SYNE1: variants seen among roughly 807,000 people sequenced by gnomAD.
The protein encoded by SYNE1 is nesprin-1.
In SYNE1, 616 loss-of-function variants were observed where a neutral mutation model predicts 1,111.0. The ratio of observed to expected loss-of-function variants is 0.55; its 90% confidence interval spans 0.52 to 0.59. The LOEUF is 0.59. SYNE1 is among the 20% of genes least tolerant of loss of function. SYNE1 has a pLI of 0.00. For missense variants in SYNE1, 10,006 were observed against 10,417.0 expected, an observed-to-expected ratio of 0.96 and a Z score of 1.72; for synonymous variants, 3,855 against 3,825.8, an observed-to-expected ratio of 1.01 and a Z score of -0.28.
chr6:152,167,160 C>G (rs1049507540), intron 130 of SYNE1, among the ~76,000 whole-genome samples: 31 of 152,194 alleles, frequency 2.0e-4, no homozygotes, highest in Non-Finnish European at 3.2e-4. Flanking sequence ...ATCACAGGCA[C>G]TTGACCTTTC....
chr6:152,316,676 A>G, intron 87 of SYNE1, 173 bp downstream of exon 87: 1 of 679,988 alleles, frequency 1.5e-6, no homozygotes, highest in Non-Finnish European at 2.5e-6. Flanking sequence ...ATGAAATTTC[A>G]TGAGAAGCTC....
chr6:152,601,721 G>A (rs1039728168), intron 3 of SYNE1, among the ~76,000 whole-genome samples: 3 of 152,236 alleles, frequency 2.0e-5, no homozygotes, highest in East Asian at 3.9e-4. Context: ...GAATCTAACC[G>A]GAGTTGCAGT....
chr6:152,137,097 A>T (rs2057264188), intron 140 of SYNE1, among the ~76,000 whole-genome samples: 1 of 152,216 alleles, frequency 6.6e-6, no homozygotes, highest in Non-Finnish European at 1.5e-5. Flanking sequence ...GCCTCAATAC[A>T]TTCACACACA....
At chr6:152,365,401 G>T (rs545402774) in intron 62 of SYNE1, among the ~76,000 whole-genome samples, 1 of 152,298 alleles carries the variant, frequency 6.6e-6, no homozygotes, top group African/African-American at 2.4e-5. Context: ...CATAGAAATA[G>T]ATTATATATT....
intron 95 of SYNE1, among the ~76,000 whole-genome samples, chr6:152,293,035 G>T (rs1428133350): frequency 6.6e-6 from 1 of 152,150 alleles, no homozygotes; most frequent in Non-Finnish European, 1.5e-5. Flanking sequence ...TTAATGTAAT[G>T]ATCTCTGTTT....
chr6:152,429,256 A>G (rs1342624519), intron 36 of SYNE1, among the ~76,000 whole-genome samples: 1 of 152,118 alleles, frequency 6.6e-6, no homozygotes, highest in Non-Finnish European at 1.5e-5. Flanking sequence ...CAAGACACAG[A>G]AAAACAACTT....
At chr6:152,296,071 T>C (rs1000761341) in intron 93 of SYNE1, among the ~76,000 whole-genome samples, 1 of 152,220 alleles carries the variant, frequency 6.6e-6, no homozygotes, top group Non-Finnish European at 1.5e-5. Context: ...TGGGACTTTC[T>C]CACCCTCGAT....
Position 152,122,797 on chromosome 6 carries a change from C to T in SYNE1, c.26154-121G>A, listed in dbSNP as rs1004191612. The T allele has an allele frequency of 2.7e-5, 40 of 1,484,138 alleles. 1 individual carries two copies. Among genetic ancestry groups the T allele is most frequent in the Middle Eastern group, 2.3e-4 (1 of 4,356 alleles). The allele number at this position is 1,484,138 out of a possible 1,614,324, so 91.9% of individuals were successfully genotyped here. A position where few individuals can be genotyped will look rare whatever the true frequency, so the allele number is the denominator to read the frequency against. ...GCCAAGCACACCCCAGCCTGGCGAT[C>T]AGCTGCCAGCCTTCCACAGTGTGCC... On this transcript the variant is annotated intron_variant, in intron 145 of 145. Coordinates refer to ENST00000367255, the MANE Select transcript of SYNE1 (RefSeq NM_182961.4).
At chr6:152,455,660 T>C (rs780293961) in intron 23 of SYNE1, 70 bp from the exon 24 acceptor site, 2 of 1,591,534 alleles carry the variant, frequency 1.3e-6, no homozygotes, top group South Asian at 1.1e-5. Flanking sequence ...TGTTAGAGGG[T>C]ATTATTCATT....
At chr6:152,608,331 AG>A in intron 3 of SYNE1, among the ~76,000 whole-genome samples, 1 of 152,210 alleles carries the variant, frequency 6.6e-6, no homozygotes, top group Non-Finnish European at 1.5e-5. Context: ...AAGTTGAAAA[AG>A]ATACTGGCTA....
At chr6:152,152,686 G>T (rs1314805817) in intron 133 of SYNE1, among the ~76,000 whole-genome samples, 2 of 152,072 alleles carry the variant, frequency 1.3e-5, no homozygotes, top group East Asian at 1.9e-4. Context: ...TTTGCAAAAG[G>T]TCTTCCAAAA....
chr6:152,474,022 A>C (rs987322842), intron 14 of SYNE1, among the ~76,000 whole-genome samples: 2 of 152,020 alleles, frequency 1.3e-5, no homozygotes, highest in Non-Finnish European at 2.9e-5. Context: ...CGTCTCTACT[A>C]AAGATACAAA....
Position 152,278,092 on chromosome 6 carries a change from C to T in SYNE1, c.18570G>A (p.Met6190Ile), listed in dbSNP as rs886044368. The change falls in exon 98 of 146, where the codon ATG (methionine) becomes ATA (isoleucine). Residue 6190 changes from methionine (M) to isoleucine (I), a missense_variant. Transcript: ENST00000367255. ...QRALHDKQLN[M>I]QGTAQEKEES... Reference sequence around the variant, plus strand: ...GGCCAGCGGCTGGAACCCTCACCTGCATGTTGAGCTGCTTATCATGCAGGG... The same window carrying T: ...GGCCAGCGGCTGGAACCCTCACCTGTATGTTGAGCTGCTTATCATGCAGGG... 1.2e-6 allele frequency: 2 copies of T among 1,613,882 alleles called. No homozygotes were observed. Among genetic ancestry groups the T allele is most frequent in the Admixed American group, 1.7e-5 (1 of 60,026 alleles).
chr6:152,236,034 C>G, intron 110 of SYNE1, 73 bp downstream of exon 110: 1 of 1,512,196 alleles, frequency 6.6e-7, no homozygotes, highest in Non-Finnish European at 9.2e-7. Flanking sequence ...GAGCCATCAT[C>G]CCCCACCCGC....
At position 152,502,741 on chromosome 6, in the gene SYNE1, G is replaced by C; in HGVS notation, c.780C>G (p.Asp260Glu). 2 of 1,607,144 alleles carry C rather than the reference G, an allele frequency of 1.2e-6. No individual in the cohort carries two copies. The highest frequency in any genetic ancestry group is 8.5e-7 in the Non-Finnish European group (1 of 1,174,078). The change falls in exon 10 of 146, where the codon GAC (aspartate) becomes GAG (glutamate). Residue 260 changes from aspartate (D) to glutamate (E), a missense_variant and splice_region_variant. By Grantham distance (45) the Asp-to-Glu change is conservative (BLOSUM62 2). Around this residue, in one of 7 missense-constraint regions of SYNE1, gnomAD observed 1,971 missense variants for 2,084.1 expected, o/e 0.95. Coordinates refer to ENST00000367255, the MANE Select transcript of SYNE1 (RefSeq NM_182961.4). ...LGIPRLLDPEDVDVDKPDEKS... is the reference protein window; with the variant it reads ...LGIPRLLDPEEVDVDKPDEKS... Reference sequence around the variant, plus strand: ...TCTCATCTGGTTTATCCACATCAACGTCTGAAAAAACAAAAAAGAAATGTG... The same window carrying C: ...TCTCATCTGGTTTATCCACATCAACCTCTGAAAAAACAAAAAAGAAATGTG...
chr6:152,239,489 G>A, intron 108 of SYNE1, 44 bp downstream of exon 108: 1 of 1,612,332 alleles, frequency 6.2e-7, no homozygotes, highest in Non-Finnish European at 8.5e-7. Flanking sequence ...CTATTTTGCA[G>A]CAGGAAGTTT....
rs748790317 is a variant in SYNE1, at chr6:152,471,793, G to C, written c.1464-28C>G. The C allele has an allele frequency of 3.1e-6, 5 of 1,606,030 alleles. No individual in the cohort carries two copies. The Admixed American group carries it at 8.3e-5, about 27-fold the overall frequency. Reference sequence around the variant, plus strand: ...AGAAATAAAACAGGGAGAATTTATAGAATGTAACTAATAGTAACAGAACTG... The same window carrying C: ...AGAAATAAAACAGGGAGAATTTATACAATGTAACTAATAGTAACAGAACTG... On this transcript the variant is annotated intron_variant, in intron 15 of 145. Coordinates refer to ENST00000367255, the MANE Select transcript of SYNE1 (RefSeq NM_182961.4).
intron 29 of SYNE1, among the ~76,000 whole-genome samples, chr6:152,445,419 C>G (rs1165793621): frequency 1.3e-5 from 2 of 152,070 alleles, no homozygotes; most frequent in East Asian, 3.8e-4. Context: ...TCTGCTTCCT[C>G]TATTTCAGTT....
chr6:152,297,781 CTGTGTGTGTGTGTG>C (rs377152081), intron 93 of SYNE1, among the ~76,000 whole-genome samples: 2,148 of 119,860 alleles, frequency 0.018, 51 homozygotes, highest in African/African-American at 0.07. Flanking sequence ...CAGTCTCACT[CTGTGTGTGTGTGTG>C]TGTGTGTGTG....
Sources: gnomAD v4.1 joint callset for allele counts (sites outside exome capture counted in the v4.1 genomes callset) on GRCh38, gnomAD v4.1.1 for gene constraint, gnomAD v4.1.1 regional missense constraint, MANE v1.5 for transcripts, NCBI Gene and HGNC (gene_info 2026-07-23, HGNC 2026-07-21) for gene names.